EEFSEC: variants seen among roughly 807,000 people sequenced by gnomAD.
The protein encoded by EEFSEC is eukaryotic elongation factor, selenocysteine-tRNA specific.
EEFSEC carries 43 observed loss-of-function variants against 42.1 expected under a neutral mutation model. That is an observed-to-expected ratio of 1.02 (90% CI 0.80 to 1.32). The LOEUF is 1.32. Among genes scored for constraint, EEFSEC ranks in the 40% most tolerant of loss-of-function variants. The probability of loss-of-function intolerance (pLI) is 0.00; values close to 1 mark genes in which losing one functional copy is unlikely to be tolerated. For synonymous variants in EEFSEC, 354 were observed against 339.1 expected (o/e 1.04, Z -0.48); for missense variants, 745 against 803.6 (o/e 0.93, Z 0.88).
intron 4 of EEFSEC, among the ~76,000 whole-genome samples, chr3:128,284,330 T>C (rs2066560935): frequency 6.6e-6 from 1 of 152,236 alleles, no homozygotes; most frequent in Non-Finnish European, 1.5e-5. Flanking sequence ...GACTAAAGCT[T>C]GTCTTGATGA....
At chr3:128,282,965 G>T (rs1007463218) in intron 4 of EEFSEC, among the ~76,000 whole-genome samples, 1 of 152,258 alleles carries the variant, frequency 6.6e-6, no homozygotes, top group African/African-American at 2.4e-5. Context: ...CTACAACTGT[G>T]CCTCCCTTTT....
At chr3:128,364,426 A>T (rs2067564229) in intron 6 of EEFSEC, among the ~76,000 whole-genome samples, 2 of 152,158 alleles carry the variant, frequency 1.3e-5, no homozygotes, top group African/African-American at 4.8e-5. Flanking sequence ...CGGGGAGCAG[A>T]AGGCTGCATA....
intron 1 of EEFSEC, among the ~76,000 whole-genome samples, chr3:128,169,223 T>C (rs1328560669): frequency 6.6e-6 from 1 of 152,208 alleles, no homozygotes; most frequent in Non-Finnish European, 1.5e-5. Flanking sequence ...GAAGCTAAAC[T>C]GTGGCACAAA....
At chr3:128,153,883 G>A (rs937862782) in intron 1 of EEFSEC, 60 bp downstream of exon 1, 7 of 1,440,414 alleles carry the variant, frequency 4.9e-6, no homozygotes, top group Non-Finnish European at 6.3e-6. Flanking sequence ...ACCGGGCCCC[G>A]TGTCCGAATT....
intron 1 of EEFSEC, among the ~76,000 whole-genome samples, chr3:128,188,993 G>C (rs1345016176): frequency 6.6e-6 from 1 of 152,176 alleles, no homozygotes; most frequent in Non-Finnish European, 1.5e-5. Context: ...AGACCCCCAG[G>C]CACTGATGGA....
intron 1 of EEFSEC, among the ~76,000 whole-genome samples, chr3:128,202,091 T>G (rs896625164): frequency 6.6e-6 from 1 of 152,228 alleles, no homozygotes; most frequent in African/African-American, 2.4e-5. Flanking sequence ...ATTAGTAGCT[T>G]TATAAAGTAA....
At chr3:128,215,210 T>C (rs1433716427) in intron 1 of EEFSEC, among the ~76,000 whole-genome samples, 1 of 152,162 alleles carries the variant, frequency 6.6e-6, no homozygotes, top group Non-Finnish European at 1.5e-5. Flanking sequence ...TGAAGGTGAT[T>C]GCATGCACTT....
At chr3:128,345,817 T>A (rs2067306016) in intron 5 of EEFSEC, among the ~76,000 whole-genome samples, 1 of 152,234 alleles carries the variant, frequency 6.6e-6, no homozygotes, top group African/African-American at 2.4e-5. Flanking sequence ...ATATAGGCCT[T>A]CTGATCCCAT....
At chr3:128,322,677 A>G (rs2067020652) in intron 4 of EEFSEC, among the ~76,000 whole-genome samples, 1 of 152,236 alleles carries the variant, frequency 6.6e-6, no homozygotes, top group African/African-American at 2.4e-5. Flanking sequence ...CTGATGGGGC[A>G]GAGACTCAGA....
chr3:128,343,263 G>A (rs948579283), intron 5 of EEFSEC, among the ~76,000 whole-genome samples: 1 of 152,150 alleles, frequency 6.6e-6, no homozygotes, highest in African/African-American at 2.4e-5. Flanking sequence ...AAATCCACTG[G>A]TTTTCTCGTC....
At position 128,317,890 on chromosome 3, in the gene EEFSEC, A is replaced by G. The variant is rs549039197; in HGVS notation, c.787-23343A>G. 6.6e-6 allele frequency among the ~76,000 whole-genome samples: 1 copy of G among 152,276 alleles called. No individual in the cohort carries two copies. The highest frequency in any genetic ancestry group is 1.9e-4 in the East Asian group (1 of 5,176). On this transcript the variant is annotated intron_variant, in intron 4 of 6. Transcript: ENST00000254730. This position sits in a 1 kb window ranked among gnomAD's most constrained non-coding sequence, Gnocchi z 4.1. ...CCTCCCAGTTCCCTGCCAGGTGGTA[A>G]CCATGGTTCCTTTCTCAGGGCTCCC...
intron 5 of EEFSEC, among the ~76,000 whole-genome samples, chr3:128,349,918 T>G (rs530388252): frequency 1.3e-5 from 2 of 152,222 alleles, no homozygotes; most frequent in Non-Finnish European, 2.9e-5. Context: ...TATTTGGACT[T>G]TCCTCTGGAA....
intron 6 of EEFSEC, among the ~76,000 whole-genome samples, chr3:128,384,392 T>C (rs983345081): frequency 6.6e-6 from 1 of 152,148 alleles, no homozygotes; most frequent in African/African-American, 2.4e-5. Context: ...CAGAGGTGAT[T>C]TGTGGGGTCC....
intron 4 of EEFSEC, among the ~76,000 whole-genome samples, chr3:128,269,511 C>T (rs1422097483): frequency 6.6e-6 from 1 of 152,252 alleles, no homozygotes; most frequent in Non-Finnish European, 1.5e-5. Flanking sequence ...TTTCCAAACA[C>T]AGTGACATCC....
At chr3:128,398,120 T>C (rs2068003523) in intron 6 of EEFSEC, among the ~76,000 whole-genome samples, 1 of 152,208 alleles carries the variant, frequency 6.6e-6, no homozygotes, top group Non-Finnish European at 1.5e-5. Context: ...TCACCAATAC[T>C]GCCCCTTCCT....
intron 4 of EEFSEC, among the ~76,000 whole-genome samples, chr3:128,296,023 TG>T (rs2066702323): frequency 6.6e-6 from 1 of 152,146 alleles, no homozygotes; most frequent in Admixed American, 6.5e-5. Context: ...CATGTTACCA[TG>T]GTCCAGAAAT....
At chr3:128,403,369 G>A (rs1196282621) in intron 6 of EEFSEC, among the ~76,000 whole-genome samples, 1 of 152,196 alleles carries the variant, frequency 6.6e-6, no homozygotes, top group Non-Finnish European at 1.5e-5. Context: ...GTCCAGAGCA[G>A]CCCCCAGTGC....
At chr3:128,263,224 A>G (rs2066317414) in intron 3 of EEFSEC, among the ~76,000 whole-genome samples, 1 of 152,198 alleles carries the variant, frequency 6.6e-6, no homozygotes. Context: ...ATCCCCATAT[A>G]CCAACGAAGA....
chr3:128,240,124 G>A lies in EEFSEC; in HGVS notation c.317-6712G>A, dbSNP rs115851231. ...CACTGTGCAGGGCCTGGTCGTGACCGCCCTCCTTCTCTCCTCCCCTTTCCC... is the reference window on the plus strand; with the variant it reads ...CACTGTGCAGGGCCTGGTCGTGACCACCCTCCTTCTCTCCTCCCCTTTCCC... On this transcript the variant is annotated intron_variant, in intron 1 of 6. Transcript: ENST00000254730. Among the ~76,000 whole-genome samples, 975 of 152,336 alleles carry A rather than the reference G, an allele frequency of 6.4e-3. 13 individuals carry two copies. Among genetic ancestry groups the A allele is most frequent in the African/African-American group, 0.022 (925 of 41,582 alleles).
Sources: gnomAD v4.1 joint callset for allele counts (sites outside exome capture counted in the v4.1 genomes callset) on GRCh38, gnomAD v4.1.1 for gene constraint, Gnocchi (gnomAD v3.1) non-coding constraint, MANE v1.5 for transcripts, NCBI Gene and HGNC (gene_info 2026-07-23, HGNC 2026-07-21) for gene names.